The following KIAA0930 variants were observed in gnomAD, a reference collection of about 807,000 sequenced individuals.
KIAA0930 encodes uncharacterized protein KIAA0930.
Under a neutral mutation model 43.9 loss-of-function variants are expected in KIAA0930, and 24 were observed. The observed-to-expected ratio is 0.55, with a 90% confidence interval of 0.40 to 0.77. KIAA0930 has a LOEUF of 0.77. KIAA0930 is among the 30% of genes least tolerant of loss of function. The pLI, the probability that KIAA0930 is intolerant of heterozygous loss-of-function variation, is 0.00. For synonymous variants in KIAA0930, 259 were observed against 216.4 expected, an observed-to-expected ratio of 1.20 and a Z score of -1.73; for missense variants, 461 against 574.2, an observed-to-expected ratio of 0.80 and a Z score of 2.02.
chr22:45,197,673 C>T, intron 9 of KIAA0930, 117 bp downstream of exon 9: 4 of 1,123,778 alleles, frequency 3.6e-6, no homozygotes, highest in South Asian at 2.9e-5. Context: ...GCAAAGAAAC[C>T]CAACCAACCG....
At position 45,209,818 on chromosome 22, in the gene KIAA0930, C is replaced by A. The variant is rs76077757; in HGVS notation, c.216+2138G>T. 5.5e-3 allele frequency among the ~76,000 whole-genome samples: 838 copies of A among 152,324 alleles called. 10 individuals are homozygous for A. The highest frequency in any genetic ancestry group is 0.019 in the African/African-American group (792 of 41,564). On this transcript the variant is annotated intron_variant, in intron 2 of 9. Coordinates refer to ENST00000336156, the MANE Select transcript of KIAA0930 (RefSeq NM_001009880.2). ...AGCATGTAAACAGCTGGACTGCCACCTGCTCCCGTGGGACTCAGGCTTCCC... is the reference window on the plus strand; with the variant it reads ...AGCATGTAAACAGCTGGACTGCCACATGCTCCCGTGGGACTCAGGCTTCCC...
intron 1 of KIAA0930, among the ~76,000 whole-genome samples, chr22:45,235,965 G>A (rs566242062): frequency 7.9e-5 from 12 of 152,342 alleles, no homozygotes; most frequent in Middle Eastern, 3.4e-3. Flanking sequence ...GGTGCACAGC[G>A]CTCTTCCCCA....
chr22:45,236,234 T>C (rs1268375382), intron 1 of KIAA0930: 1 of 152,326 alleles, frequency 6.6e-6, no homozygotes, highest in African/African-American at 2.4e-5. Context: ...ACGCGGCAGG[T>C]GTTAGGCACC....
intron 1 of KIAA0930, among the ~76,000 whole-genome samples, chr22:45,218,972 C>T (rs2083750688): frequency 6.6e-6 from 1 of 152,190 alleles, no homozygotes; most frequent in Non-Finnish European, 1.5e-5. Flanking sequence ...GATCCACTTT[C>T]CAGCCGAGTG....
chr22:45,197,704 T>C, intron 9 of KIAA0930, 86 bp downstream of exon 9: 1 of 1,446,156 alleles, frequency 6.9e-7, no homozygotes, highest in Non-Finnish European at 9.6e-7. Flanking sequence ...GCGGGATGAC[T>C]CCGGGTGGCT....
intron 5 of KIAA0930, 54 bp from the exon 6 acceptor site, chr22:45,204,039 A>C: frequency 1.3e-5 from 21 of 1,606,742 alleles, no homozygotes; most frequent in Non-Finnish European, 1.6e-5. Flanking sequence ...CACCGCCCAC[A>C]CCACAGCCTG....
rs753774096 is a variant in KIAA0930, at chr22:45,197,770, C to T, written c.1174+20G>A. 7.4e-6 allele frequency: 12 copies of T among 1,612,924 alleles called. No individual in the cohort carries two copies. Among genetic ancestry groups the T allele is most frequent in the Non-Finnish European group, 7.6e-6 (9 of 1,179,012 alleles). On this transcript the variant is annotated intron_variant, in intron 9 of 9. Transcript: ENST00000336156. ...GGCTGTGAGAAGGTGCGGCTGCTTC[C>T]CCACATCCGCCAGCATTACCTGTTA...
chr22:45,203,609 TC>T (rs1234570018), intron 6 of KIAA0930, among the ~76,000 whole-genome samples: 1 of 152,118 alleles, frequency 6.6e-6, no homozygotes, highest in African/African-American at 2.4e-5. Context: ...AGGAGGAAGT[TC>T]CCGCTCACAT....
chr22:45,197,026 G>C lies in KIAA0930; in HGVS notation c.*150C>G. The C allele has an allele frequency of 1.6e-6, 1 of 630,798 alleles. No homozygotes were observed. Among genetic ancestry groups the C allele is most frequent in the Non-Finnish European group, 2.7e-6 (1 of 375,024 alleles). The allele number at this position is 630,798 out of a possible 1,614,324, so 39.1% of individuals were successfully genotyped here. ...GTTTGGGCTGGTGTTCGTGGAGTCG[G>C]CCCCGGCCCCGGGAGTCGAGTGGCC... On this transcript the variant is annotated 3_prime_UTR_variant, in exon 10 of 10. Transcript: ENST00000336156.
At chr22:45,209,605 A>C (rs904712079) in intron 2 of KIAA0930, among the ~76,000 whole-genome samples, 6 of 150,430 alleles carry the variant, frequency 4.0e-5, no homozygotes, top group African/African-American at 7.4e-5. Flanking sequence ...CACCTTCTGC[A>C]CTCCCCCCAC....
chr22:45,225,185 T>C (rs2083791193), intron 1 of KIAA0930, among the ~76,000 whole-genome samples: 1 of 151,992 alleles, frequency 6.6e-6, no homozygotes, highest in Non-Finnish European at 1.5e-5. Flanking sequence ...GGCCCCTCAA[T>C]AGGCCTTTCA....
intron 1 of KIAA0930, among the ~76,000 whole-genome samples, chr22:45,212,908 A>G (rs557702536): frequency 6.6e-6 from 1 of 152,306 alleles, no homozygotes; most frequent in South Asian, 2.1e-4. Context: ...GGATCAACAT[A>G]GGTGGGTCTG....
At chr22:45,199,807 T>C in intron 8 of KIAA0930, 66 bp downstream of exon 8, 1 of 1,340,150 alleles carries the variant, frequency 7.5e-7, no homozygotes, top group Non-Finnish European at 1.0e-6. Flanking sequence ...AATGAATGAA[T>C]GACTGGTCTG....
rs191055442 is a variant in KIAA0930 at position 45,193,116 on chromosome 22, T to G, written c.*4060A>C. On this transcript the variant is annotated 3_prime_UTR_variant, in exon 10 of 10. Coordinates refer to ENST00000336156, the MANE Select transcript of KIAA0930 (RefSeq NM_001009880.2). The stretch of plus-strand genomic sequence containing the variant: ...GTGGAGTGTCCGTCCTATCAGGTGG[T>G]TGTTTGTAAAACAAAAGTACAGTCA... 150 of 152,264 alleles carry G rather than the reference T, an allele frequency of 9.9e-4. No homozygotes were observed. The highest frequency in any genetic ancestry group is 3.4e-3 in the African/African-American group (142 of 41,546). The allele number at this position is 152,264 out of a possible 1,614,324, so 9.4% of individuals were successfully genotyped here. A position where few individuals can be genotyped will look rare whatever the true frequency, so the allele number is the denominator to read the frequency against.
intron 4 of KIAA0930, 64 bp downstream of exon 4, chr22:45,205,562 GTCTC>G: frequency 6.9e-7 from 1 of 1,459,118 alleles, no homozygotes; most frequent in Non-Finnish European, 9.6e-7. Flanking sequence ...AGGAGGACTT[GTCTC>G]TCTCTGCCAC....
chr22:45,193,953 T>G lies in KIAA0930; in HGVS notation c.*3223A>C, dbSNP rs1180692261. The G allele has an allele frequency of 6.6e-6, 1 of 150,688 alleles. No homozygotes were observed. The highest frequency in any genetic ancestry group is 1.5e-5 in the Non-Finnish European group (1 of 67,858). The allele number at this position is 150,688 out of a possible 1,614,324, so 9.3% of individuals were successfully genotyped here. ...ACTTTCTTTTTAATGTTCTAAAAAGTGACACCTAGGTTTCCTCAACAGAAA... is the reference window on the plus strand; with the variant it reads ...ACTTTCTTTTTAATGTTCTAAAAAGGGACACCTAGGTTTCCTCAACAGAAA... On this transcript the variant is annotated 3_prime_UTR_variant, in exon 10 of 10. Coordinates refer to ENST00000336156, the MANE Select transcript of KIAA0930 (RefSeq NM_001009880.2).
chr22:45,199,336 C>T (rs529091629), intron 8 of KIAA0930, among the ~76,000 whole-genome samples: 1 of 152,150 alleles, frequency 6.6e-6, no homozygotes, highest in African/African-American at 2.4e-5. Flanking sequence ...TACAGACAAC[C>T]GGAGTCCAGG....
chr22:45,220,879 C>T (rs2083763610), intron 1 of KIAA0930, among the ~76,000 whole-genome samples: 1 of 141,396 alleles, frequency 7.1e-6, no homozygotes, highest in East Asian at 2.4e-4. Flanking sequence ...CTGTGCCCGG[C>T]CCCCCCAACC....
intron 6 of KIAA0930, 102 bp from the exon 7 acceptor site, chr22:45,203,286 C>A: frequency 8.2e-7 from 1 of 1,222,558 alleles, no homozygotes; most frequent in Non-Finnish European, 1.1e-6. Flanking sequence ...CCTCAAGGAG[C>A]GGGGGCTGCC....
Sources: gnomAD v4.1 joint callset for allele counts (sites outside exome capture counted in the v4.1 genomes callset) on GRCh38, gnomAD v4.1.1 for gene constraint, MANE v1.5 for transcripts, NCBI Gene and HGNC (gene_info 2026-07-23, HGNC 2026-07-21) for gene names.